Variants in TMEM232 observed in about 807,000 individuals in gnomAD.
TMEM232 encodes transmembrane protein 232.
Under a neutral mutation model 78.8 loss-of-function variants are expected in TMEM232, and 80 were observed. That is an observed-to-expected ratio of 1.01 (90% CI 0.85 to 1.22). TMEM232 has a LOEUF of 1.22. Ranked by LOEUF, TMEM232 falls within the 50% of genes most tolerant of loss-of-function variation. The pLI, the probability that TMEM232 is intolerant of heterozygous loss-of-function variation, is 0.00. For synonymous variants in TMEM232, 297 were observed against 254.3 expected (o/e 1.17, Z -1.60); for missense variants, 881 against 742.2 (o/e 1.19, Z -2.17).
At chr5:110,732,159 C>T (rs1383749756) in intron 2 of TMEM232, among the ~76,000 whole-genome samples, 2 of 152,192 alleles carry the variant, frequency 1.3e-5, no homozygotes, top group African/African-American at 2.4e-5. Context: ...TCATATTCAT[C>T]TGAGACCACC....
chr5:110,434,009 G>A (rs12520182), intron 12 of TMEM232, among the ~76,000 whole-genome samples: 1 of 151,712 alleles, frequency 6.6e-6, no homozygotes, highest in East Asian at 1.9e-4. Context: ...GAGTTAAGGA[G>A]GTATCTTTCC....
chr5:110,696,271 A>C (rs138660663), intron 1 of TMEM232, among the ~76,000 whole-genome samples: 6,220 of 152,160 alleles, frequency 0.041, 403 homozygotes, highest in African/African-American at 0.14. Flanking sequence ...GCTAAAAACT[A>C]TCAATAAATT....
chr5:110,435,425 C>CATCAT lies in TMEM232; in HGVS notation c.1704-10510_1704-10509insATGAT, dbSNP rs1561491509. ...ACAGGCATGCAATATGTAATAATTA[C>CATCAT]GTCATGGAAAATGGATTATACATCC... On this transcript the variant is annotated intron_variant, in intron 12 of 13. Coordinates refer to ENST00000455884, the MANE Select transcript of TMEM232 (RefSeq NM_001039763.4). Among the ~76,000 whole-genome samples the CATCAT allele has an allele frequency of 8.1e-3, 1,229 of 151,634 alleles. 15 individuals are homozygous for CATCAT. The highest frequency in any genetic ancestry group is 0.028 in the African/African-American group (1,175 of 41,382).
intron 1 of TMEM232, among the ~76,000 whole-genome samples, chr5:110,669,041 T>TC (rs1790996281): frequency 1.3e-5 from 2 of 152,014 alleles, no homozygotes; most frequent in Non-Finnish European, 2.9e-5. Context: ...GATCTACAAT[T>TC]GAAACCCTAA....
At chr5:110,538,284 A>G (rs1439934149) in intron 11 of TMEM232, among the ~76,000 whole-genome samples, 2 of 152,174 alleles carry the variant, frequency 1.3e-5, no homozygotes, top group African/African-American at 4.8e-5. Context: ...CACCACGGAC[A>G]TTAGACTTAA....
chr5:110,519,621 G>A (rs1021585938), intron 12 of TMEM232, among the ~76,000 whole-genome samples: 3 of 151,916 alleles, frequency 2.0e-5, no homozygotes, highest in Admixed American at 6.6e-5. Context: ...CCACTGTTGG[G>A]CATATACCCA....
chr5:110,443,771 G>A (rs1759324780), intron 12 of TMEM232, among the ~76,000 whole-genome samples: 1 of 152,126 alleles, frequency 6.6e-6, no homozygotes, highest in Non-Finnish European at 1.5e-5. Context: ...TGGTTATTCA[G>A]GCCCCAATGG....
chr5:110,535,789 C>A (rs1772259937), intron 11 of TMEM232, among the ~76,000 whole-genome samples: 1 of 152,040 alleles, frequency 6.6e-6, no homozygotes, highest in Non-Finnish European at 1.5e-5. Context: ...ACACTGTAAT[C>A]AAAGATAGCA....
chr5:110,727,222 A>C (rs540424123), upstream of TMEM232, among the ~76,000 whole-genome samples: 3 of 152,224 alleles, frequency 2.0e-5, no homozygotes, highest in Non-Finnish European at 4.4e-5. Context: ...TCCTTGTAGA[A>C]TTCCTATGTC....
At chr5:110,712,657 C>G (rs757876003) in intron 1 of TMEM232, among the ~76,000 whole-genome samples, 5 of 152,066 alleles carry the variant, frequency 3.3e-5, no homozygotes, top group Non-Finnish European at 7.4e-5. Flanking sequence ...CTCCAATTTT[C>G]TATGTATCAG....
chr5:110,650,061 T>C (rs533153162), intron 2 of TMEM232, among the ~76,000 whole-genome samples: 1 of 152,136 alleles, frequency 6.6e-6, no homozygotes, highest in Non-Finnish European at 1.5e-5. Context: ...GCTAAATATT[T>C]AATTAATGGT....
chr5:110,508,435 A>G (rs1173880853), intron 12 of TMEM232, among the ~76,000 whole-genome samples: 2 of 151,252 alleles, frequency 1.3e-5, no homozygotes, highest in African/African-American at 4.8e-5. Context: ...ATATACATAC[A>G]CACACATATA....
intron 12 of TMEM232, among the ~76,000 whole-genome samples, chr5:110,525,767 C>A (rs948573226): frequency 6.6e-6 from 1 of 150,856 alleles, no homozygotes; most frequent in African/African-American, 2.4e-5. Flanking sequence ...AGCCCAATTA[C>A]ATAAATATAT....
chr5:110,533,981 C>T (rs548740754), intron 11 of TMEM232, among the ~76,000 whole-genome samples: 1 of 152,276 alleles, frequency 6.6e-6, no homozygotes, highest in South Asian at 2.1e-4. Flanking sequence ...TCTACTACTT[C>T]TCAAGGATTA....
At chr5:110,401,149 C>G (rs1340723324) in intron 2 of TMEM232, among the ~76,000 whole-genome samples, 1 of 151,986 alleles carries the variant, frequency 6.6e-6, no homozygotes, top group Non-Finnish European at 1.5e-5. Context: ...ACTAATGGAT[C>G]TGAACAGTAA....
chr5:110,401,937 T>C (rs908635749), intron 2 of TMEM232, among the ~76,000 whole-genome samples: 7 of 152,068 alleles, frequency 4.6e-5, no homozygotes, highest in Non-Finnish European at 8.8e-5. Context: ...GTCCTCATGA[T>C]TTCTATTGTT....
chr5:110,467,414 T>C (rs186552926), intron 12 of TMEM232, among the ~76,000 whole-genome samples: 46 of 152,110 alleles, frequency 3.0e-4, no homozygotes, highest in African/African-American at 1.1e-3. Context: ...AACGGATGAG[T>C]TTCAAAATTC....
rs773842637 is a variant in TMEM232, at chr5:110,420,584, ATTAC to A, written c.1966_1969del (p.Val656PhefsTer3). 4.0e-4 allele frequency: 582 copies of A among 1,456,940 alleles called. 1 individual carries two copies. The highest frequency in any genetic ancestry group is 3.5e-4 in the Non-Finnish European group (395 of 1,119,386). 90.3% of individuals were successfully genotyped at this position (1,456,940 alleles called of 1,614,324 possible). ...AGGTGACATTTTCTTTTCTAATTAA[ATTAC>A]TTCCTTCCTATAAGGAAGTTCATAG... On this transcript the variant is annotated frameshift_variant, in exon 14 of 14. Coordinates refer to ENST00000455884, the MANE Select transcript of TMEM232 (RefSeq NM_001039763.4). LOFTEE classifies it high-confidence loss of function.
chr5:110,712,718 A>G lies in TMEM232; in HGVS notation c.-13+13909T>C, dbSNP rs149745644. On this transcript the variant is annotated intron_variant, in intron 1 of 13. Coordinates refer to ENST00000455884, the MANE Select transcript of TMEM232 (RefSeq NM_001039763.4). ...AGCCCACTCGAGGAGATACAATGTC[A>G]CCCATTTAAAATGGCTTTTGTCCAA... Among the ~76,000 whole-genome samples, 18 of 152,238 alleles carry G rather than the reference A, an allele frequency of 1.2e-4. No individual in the cohort carries two copies. The East Asian group carries it at 3.3e-3, about 28-fold the overall frequency.
Sources: allele counts gnomAD v4.1 joint callset (sites outside exome capture counted in the v4.1 genomes callset), GRCh38; gene constraint gnomAD v4.1.1; transcripts MANE v1.5; gene names NCBI Gene and HGNC (gene_info 2026-07-23, HGNC 2026-07-21).